The following PARD3 variants were observed in gnomAD, a reference collection of about 807,000 sequenced individuals.
PARD3 encodes par-3 family cell polarity regulator.
Under a neutral mutation model 155.4 loss-of-function variants are expected in PARD3, and 75 were observed. The observed-to-expected ratio is 0.48, with a 90% CI of 0.40 to 0.58. PARD3 has a LOEUF of 0.58. Among genes scored for constraint, PARD3 ranks in the 20% least tolerant of loss-of-function variants. The probability of loss-of-function intolerance (pLI) is 0.00; values close to 1 mark genes in which losing one functional copy is unlikely to be tolerated. For synonymous variants in PARD3, 576 were observed against 610.5 expected, an observed-to-expected ratio of 0.94 and a Z score of 0.83; for missense variants, 1,642 against 1,721.7, an observed-to-expected ratio of 0.95 and a Z score of 0.82.
At chr10:34,686,379 C>G (rs1037542309) in intron 2 of PARD3, among the ~76,000 whole-genome samples, 2 of 151,694 alleles carry the variant, frequency 1.3e-5, no homozygotes, top group African/African-American at 4.8e-5. Flanking sequence ...GTTGAAAATT[C>G]TATCCACCAA....
At chr10:34,370,191 G>A (rs542318526) in intron 12 of PARD3, among the ~76,000 whole-genome samples, 4 of 152,064 alleles carry the variant, frequency 2.6e-5, no homozygotes, top group South Asian at 2.1e-4. Context: ...TGGGAAACTC[G>A]TATTAGAAAA....
At chr10:34,674,590 G>A (rs565041179) in intron 2 of PARD3, among the ~76,000 whole-genome samples, 2 of 148,982 alleles carry the variant, frequency 1.3e-5, no homozygotes, top group Admixed American at 6.8e-5. Flanking sequence ...GGGTTCAAGC[G>A]ATTCTCCTGC....
chr10:34,769,806 A>C (rs1564601250), intron 1 of PARD3, among the ~76,000 whole-genome samples: 2 of 150,470 alleles, frequency 1.3e-5, no homozygotes, highest in African/African-American at 4.9e-5. Context: ...AAACAAAACA[A>C]AAAAAAAAAC....
At chr10:34,177,163 C>T (rs376309179) in intron 22 of PARD3, among the ~76,000 whole-genome samples, 3 of 151,818 alleles carry the variant, frequency 2.0e-5, no homozygotes, top group South Asian at 2.1e-4. Context: ...TATACAGGTA[C>T]GCTGAAGGCA....
rs1209912626 is a variant in PARD3, at chr10:34,570,193, T to C, written c.223-53034A>G. 4.6e-5 allele frequency among the ~76,000 whole-genome samples: 7 copies of C among 152,358 alleles called. No homozygotes were observed. The East Asian group carries it at 1.2e-3, about 25-fold the overall frequency. Reference sequence around the variant, plus strand: ...CAATTTCTACCCATTGTTGGAGTTATTTTTTCAATGCGATACAGCAAACTC... The same window carrying C: ...CAATTTCTACCCATTGTTGGAGTTACTTTTTCAATGCGATACAGCAAACTC... On this transcript the variant is annotated intron_variant, in intron 2 of 24. Transcript: ENST00000374788.
intron 2 of PARD3, among the ~76,000 whole-genome samples, chr10:34,670,006 C>T (rs566046798): frequency 1.3e-5 from 2 of 152,290 alleles, no homozygotes; most frequent in South Asian, 2.1e-4. Flanking sequence ...ATGGCTAACA[C>T]GAACAAAGTC....
chr10:34,458,393 G>A (rs958637009), intron 4 of PARD3, among the ~76,000 whole-genome samples: 1 of 152,104 alleles, frequency 6.6e-6, no homozygotes, highest in African/African-American at 2.4e-5. Context: ...TGTAGAGACT[G>A]AGTCTTACTA....
intron 22 of PARD3, among the ~76,000 whole-genome samples, chr10:34,228,167 T>C (rs1193584089): frequency 6.6e-6 from 1 of 151,300 alleles, no homozygotes; most frequent in Admixed American, 6.6e-5. Context: ...GAACAGAAAA[T>C]CAAATACTGT....
At chr10:34,603,279 T>A (rs2089949077) in intron 2 of PARD3, among the ~76,000 whole-genome samples, 1 of 152,242 alleles carries the variant, frequency 6.6e-6, no homozygotes, top group Non-Finnish European at 1.5e-5. Flanking sequence ...GCAGCTCTGG[T>A]GTTAAGTTGT....
At chr10:34,288,914 C>T (rs74131675) in intron 20 of PARD3, among the ~76,000 whole-genome samples, 2,354 of 152,260 alleles carry the variant, frequency 0.015, 68 homozygotes, top group African/African-American at 0.054. Flanking sequence ...TACACTGGTA[C>T]CTCAGGAAGA....
intron 1 of PARD3, among the ~76,000 whole-genome samples, chr10:34,705,043 A>G (rs933722401): frequency 1.1e-4 from 16 of 152,320 alleles, no homozygotes; most frequent in Admixed American, 9.8e-4. Context: ...TATTTAAGCC[A>G]AAAACAAACA....
intron 3 of PARD3, among the ~76,000 whole-genome samples, chr10:34,475,106 A>G (rs950961574): frequency 6.6e-6 from 1 of 152,236 alleles, no homozygotes; most frequent in Non-Finnish European, 1.5e-5. Flanking sequence ...ATGACCTCAA[A>G]GAGTTTTTGT....
chr10:34,394,127 G>A (rs1207502755), intron 7 of PARD3, among the ~76,000 whole-genome samples: 4 of 151,880 alleles, frequency 2.6e-5, no homozygotes, highest in East Asian at 1.9e-4. Context: ...GAGCCACCGC[G>A]CCTGGCCTAT....
At chr10:34,589,385 T>G (rs561117267) in intron 2 of PARD3, among the ~76,000 whole-genome samples, 6 of 152,086 alleles carry the variant, frequency 3.9e-5, no homozygotes, top group African/African-American at 1.4e-4. Flanking sequence ...GAAAAGAAAT[T>G]AAGTTAAAAT....
intron 1 of PARD3, among the ~76,000 whole-genome samples, chr10:34,700,697 C>T (rs577510846): frequency 1.4e-4 from 21 of 152,278 alleles, no homozygotes; most frequent in East Asian, 3.9e-4. Flanking sequence ...ACAGGCCAGG[C>T]GCAGTGGCTC....
chr10:34,409,208 G>A (rs1422603062), intron 5 of PARD3, among the ~76,000 whole-genome samples: 4 of 152,008 alleles, frequency 2.6e-5, no homozygotes, highest in African/African-American at 9.7e-5. Flanking sequence ...AAAGGCAAAA[G>A]AACAGATGGT....
chr10:34,679,629 G>T (rs2133320543), intron 2 of PARD3, among the ~76,000 whole-genome samples: 1 of 152,274 alleles, frequency 6.6e-6, no homozygotes, highest in African/African-American at 2.4e-5. Flanking sequence ...TTACGAATTA[G>T]GAGTCTGGAA....
At chr10:34,505,748 CAT>C (rs1231477391) in intron 3 of PARD3, among the ~76,000 whole-genome samples, 1 of 152,160 alleles carries the variant, frequency 6.6e-6, no homozygotes, top group Non-Finnish European at 1.5e-5. Flanking sequence ...TATTATATTA[CAT>C]ATGTGTAATG....
intron 1 of PARD3, among the ~76,000 whole-genome samples, chr10:34,771,909 G>A (rs1324224804): frequency 2.0e-5 from 3 of 152,208 alleles, no homozygotes; most frequent in Non-Finnish European, 4.4e-5. Context: ...AGCCAATGAA[G>A]ATGGGTCACA....
Sources: gnomAD v4.1 joint callset for allele counts (sites outside exome capture counted in the v4.1 genomes callset) on GRCh38, gnomAD v4.1.1 for gene constraint, MANE v1.5 for transcripts, NCBI Gene and HGNC (gene_info 2026-07-23, HGNC 2026-07-21) for gene names.